Variants in FARP2 observed in about 807,000 individuals in gnomAD.
FARP2 encodes FERM, ARH/RhoGEF and pleckstrin domain protein 2, also known as FERM, ARHGEF and pleckstrin domain-containing protein 2.
In FARP2, 111 loss-of-function variants were observed where a neutral mutation model predicts 130.5. The observed-to-expected ratio is 0.85, with a 90% CI of 0.73 to 1.00. The LOEUF (loss-of-function observed/expected upper bound fraction) is 1.00. FARP2 is among the 50% of genes least tolerant of loss of function. The pLI, the probability that FARP2 is intolerant of heterozygous loss-of-function variation, is 0.00. For missense variants in FARP2, 1,385 were observed against 1,346.3 expected, an observed-to-expected ratio of 1.03 and a Z score of -0.45; for synonymous variants, 504 against 516.9, an observed-to-expected ratio of 0.98 and a Z score of 0.34.
At chr2:241,427,714 T>G (rs73004368) in intron 8 of FARP2, among the ~76,000 whole-genome samples, 3 of 152,244 alleles carry the variant, frequency 2.0e-5, no homozygotes, top group Non-Finnish European at 4.4e-5. Context: ...TGAGCTATTG[T>G]TGGCCCACTT....
chr2:241,382,812 T>TTTAATA (rs1285027151), intron 2 of FARP2, among the ~76,000 whole-genome samples: 3 of 152,208 alleles, frequency 2.0e-5, no homozygotes, highest in Non-Finnish European at 2.9e-5. Flanking sequence ...ACATCTCCTG[T>TTTAATA]TTAATAGGCA....
intron 22 of FARP2, among the ~76,000 whole-genome samples, chr2:241,490,569 G>A (rs1174602480): frequency 6.6e-6 from 1 of 152,176 alleles, no homozygotes; most frequent in Non-Finnish European, 1.5e-5. Flanking sequence ...ACAGAAGGAT[G>A]ACACTGAGCT....
intron 2 of FARP2, among the ~76,000 whole-genome samples, chr2:241,387,677 C>T (rs2061818112): frequency 6.6e-6 from 1 of 151,340 alleles, no homozygotes; most frequent in Non-Finnish European, 1.5e-5. Context: ...CCTGTAGTCC[C>T]AGGTACTCAG....
chr2:241,401,555 C>A (rs1259952332), intron 2 of FARP2, among the ~76,000 whole-genome samples: 1 of 151,992 alleles, frequency 6.6e-6, no homozygotes, highest in Non-Finnish European at 1.5e-5. Flanking sequence ...TTTGTAGAGA[C>A]AGGGTCTCTG....
At chr2:241,486,730 A>G (rs1328513586) in intron 21 of FARP2, among the ~76,000 whole-genome samples, 1 of 152,138 alleles carries the variant, frequency 6.6e-6, no homozygotes, top group Non-Finnish European at 1.5e-5. Flanking sequence ...ATCCTTAATT[A>G]TGTCCTTCAG....
intron 21 of FARP2, among the ~76,000 whole-genome samples, chr2:241,486,777 G>A (rs1436505361): frequency 2.0e-5 from 3 of 152,250 alleles, no homozygotes; most frequent in Non-Finnish European, 4.4e-5. Context: ...GAGCAAAGGT[G>A]TTTACGGCCT....
In FARP2 at chr2:241,471,352, T is replaced by TG. The variant is rs529207439; in HGVS notation, c.2131+2979dup. ...GCTGATCTGAGGGGACCCTGTTTTG[T>TG]GGGGATCCTGTTCTGTGGAAACCCT... On this transcript the variant is annotated intron_variant, in intron 18 of 26. Coordinates refer to ENST00000264042, the MANE Select transcript of FARP2 (RefSeq NM_014808.4). 5.0e-3 allele frequency: 758 copies of TG among 150,316 alleles called. 2 individuals are homozygous for TG. Among genetic ancestry groups the TG allele is most frequent in the Non-Finnish European group, 8.2e-3 (554 of 67,894 alleles). 9.3% of individuals were successfully genotyped at this position (150,316 alleles called of 1,614,324 possible). A position where few individuals can be genotyped will look rare whatever the true frequency, so the allele number is the denominator to read the frequency against.
intron 15 of FARP2, 29 bp downstream of exon 15, chr2:241,462,641 T>C: frequency 7.0e-7 from 1 of 1,427,328 alleles, no homozygotes; most frequent in Non-Finnish European, 9.9e-7. Context: ...ACTTTGATTT[T>C]TTTTTAAAAT....
At chr2:241,486,195 C>T (rs1001549579) in intron 21 of FARP2, among the ~76,000 whole-genome samples, 9 of 151,954 alleles carry the variant, frequency 5.9e-5, no homozygotes, top group African/African-American at 1.9e-4. Context: ...CCTGTAATGC[C>T]AGCACTTTAG....
rs114185463 is a variant in FARP2 at position 241,466,455 on chromosome 2, C to T, written c.1894-1685C>T. ...CACCACTCACCACTGCCAGGCAGGC[C>T]GGGGACCAGCAGACTCCTCAGCCAA... On this transcript the variant is annotated intron_variant, in intron 17 of 26. Coordinates refer to ENST00000264042, the MANE Select transcript of FARP2 (RefSeq NM_014808.4). 1.1e-3 allele frequency: 1,058 copies of T among 985,422 alleles called. 11 individuals carry two copies. The African/African-American group carries it at 0.017, about 16-fold the overall frequency. The allele number at this position is 985,422 out of a possible 1,614,324, so 61.0% of individuals were successfully genotyped here.
intron 6 of FARP2, among the ~76,000 whole-genome samples, chr2:241,411,783 G>T (rs755529529): frequency 5.3e-5 from 8 of 152,184 alleles, no homozygotes; most frequent in Non-Finnish European, 1.2e-4. Flanking sequence ...GACATAGAAA[G>T]TTCCAAAATT....
chr2:241,457,013 G>C (rs1219555823), intron 14 of FARP2, 91 bp downstream of exon 14: 31 of 1,225,902 alleles, frequency 2.5e-5, no homozygotes, highest in African/African-American at 4.6e-5. Flanking sequence ...GGGACCCTGG[G>C]GCGGGGCAGG....
chr2:241,455,378 T>C (rs558130792), intron 13 of FARP2, among the ~76,000 whole-genome samples: 3 of 152,334 alleles, frequency 2.0e-5, no homozygotes. Context: ...ATTTACATCT[T>C]TGATAGTTTT....
intron 1 of FARP2, among the ~76,000 whole-genome samples, chr2:241,356,785 C>A (rs935077390): frequency 1.3e-5 from 2 of 152,212 alleles, no homozygotes; most frequent in African/African-American, 4.8e-5. Flanking sequence ...TGTCCCATCC[C>A]GGAAGGACAC....
At chr2:241,452,034 C>T (rs767563460) in intron 13 of FARP2, among the ~76,000 whole-genome samples, 1 of 152,188 alleles carries the variant, frequency 6.6e-6, no homozygotes, top group Non-Finnish European at 1.5e-5. Context: ...GGATTACAGG[C>T]GTAAGCCCGG....
At chr2:241,476,214 T>TAAAA (rs57746386) in intron 19 of FARP2, among the ~76,000 whole-genome samples, 1 of 108,158 alleles carries the variant, frequency 9.2e-6, no homozygotes, top group African/African-American at 3.6e-5. Flanking sequence ...TTCTATGAAT[T>TAAAA]AAAAAAAAAA....
At chr2:241,416,604 C>T (rs1256120160) in intron 7 of FARP2, among the ~76,000 whole-genome samples, 1 of 152,162 alleles carries the variant, frequency 6.6e-6, no homozygotes, top group Non-Finnish European at 1.5e-5. Context: ...TTTTTCTTGA[C>T]TTTATCACAT....
In FARP2 at chr2:241,462,617, G is replaced by A. The variant is rs749894538; in HGVS notation, c.1677+5G>A. Reference sequence around the variant, plus strand: ...GATTTAGAAGTTATTACCGTGGTACGAAAGTCCTTGATTACTTTGATTTTT... The same window carrying A: ...GATTTAGAAGTTATTACCGTGGTACAAAAGTCCTTGATTACTTTGATTTTT... On this transcript the variant is annotated splice_donor_5th_base_variant and intron_variant, in intron 15 of 26. Transcript: ENST00000264042. The A allele has an allele frequency of 1.7e-5, 27 of 1,559,922 alleles. No homozygotes were observed. The highest frequency in any genetic ancestry group is 1.7e-4 in the Middle Eastern group (1 of 5,980).
chr2:241,387,409 TCAGGAAGGTTG>T (rs2061810172), intron 2 of FARP2: 1 of 152,190 alleles, frequency 6.6e-6, no homozygotes, highest in South Asian at 2.1e-4. Context: ...ATAAACGATT[TCAGGAAGGTTG>T]CAGGATACAA....
Sources: allele counts gnomAD v4.1 joint callset (sites outside exome capture counted in the v4.1 genomes callset), GRCh38; gene constraint gnomAD v4.1.1; transcripts MANE v1.5; gene names NCBI Gene and HGNC (gene_info 2026-07-23, HGNC 2026-07-21).